CD96: variants seen among roughly 807,000 people sequenced by gnomAD.
CD96 encodes the protein T-cell surface protein tactile.
A neutral mutation model predicts 71.3 loss-of-function variants in CD96; 70 were observed. That is an observed-to-expected ratio of 0.98 (90% CI 0.81 to 1.20). CD96 has a LOEUF of 1.20. Ranked by LOEUF, CD96 falls within the 50% of genes most tolerant of loss-of-function variation. CD96 has a pLI of 0.00. For missense variants in CD96, 742 were observed against 677.5 expected (o/e 1.10, Z -1.06); for synonymous variants, 248 against 233.0 (o/e 1.06, Z -0.59).
At chr3:111,591,659 T>G (rs1464685694) in intron 5 of CD96, among the ~76,000 whole-genome samples, 3 of 152,198 alleles carry the variant, frequency 2.0e-5, no homozygotes, top group Non-Finnish European at 4.4e-5. Context: ...CGTCGTCACT[T>G]GCACTGGTGA....
chr3:111,606,828 CA>C, intron 8 of CD96, 36 bp downstream of exon 8: 1 of 1,158,858 alleles, frequency 8.6e-7, no homozygotes, highest in Middle Eastern at 1.9e-4. Context: ...TTGATTTAAC[CA>C]AGCAGATTGA....
intron 2 of CD96, among the ~76,000 whole-genome samples, chr3:111,553,326 T>TTA (rs1934816522): frequency 6.6e-6 from 1 of 151,998 alleles, no homozygotes; most frequent in Non-Finnish European, 1.5e-5. Flanking sequence ...GATTTTGCTC[T>TTA]TATAGTCCCA....
At chr3:111,649,043 G>A (rs1362208714) in intron 13 of CD96, among the ~76,000 whole-genome samples, 1 of 152,190 alleles carries the variant, frequency 6.6e-6, no homozygotes, top group Non-Finnish European at 1.5e-5. Context: ...GGATTGAGAA[G>A]AGCTTTACTT....
intron 2 of CD96, among the ~76,000 whole-genome samples, chr3:111,552,139 A>G (rs961504340): frequency 1.3e-5 from 2 of 151,468 alleles, no homozygotes; most frequent in Non-Finnish European, 2.9e-5. Flanking sequence ...CTTTTTAATG[A>G]GTTTGTTTTT....
At position 111,628,870 on chromosome 3, in the gene CD96, T is replaced by TA. The variant is rs1262646560; in HGVS notation, c.1321+4472dup. Among the ~76,000 whole-genome samples, 8 of 152,182 alleles carry TA rather than the reference T, an allele frequency of 5.3e-5. No homozygotes were observed. The South Asian group carries it at 1.7e-3, about 32-fold the overall frequency. On this transcript the variant is annotated intron_variant, in intron 10 of 13. Transcript: ENST00000352690. ...ATTGGGAGCCTACATTCAACATACA[T>TA]AAAAAAGAATTTTCAACCCAGAATT...
chr3:111,544,477 T>C (rs185246387), intron 1 of CD96, among the ~76,000 whole-genome samples: 2 of 152,258 alleles, frequency 1.3e-5, no homozygotes, highest in Non-Finnish European at 2.9e-5. Context: ...GTTTCATCTC[T>C]CTGTGGCCCA....
At chr3:111,600,521 C>T (rs1328999754) in intron 6 of CD96, among the ~76,000 whole-genome samples, 3 of 152,206 alleles carry the variant, frequency 2.0e-5, no homozygotes, top group Admixed American at 1.3e-4. Flanking sequence ...TATACCCTGA[C>T]CATGGATCAA....
At chr3:111,665,013 G>A (rs975328957) in intron 14 of CD96, among the ~76,000 whole-genome samples, 3 of 152,318 alleles carry the variant, frequency 2.0e-5, no homozygotes, top group Non-Finnish European at 1.5e-5. Context: ...CTCAAAGGGT[G>A]TGTGTTCATG....
intron 8 of CD96, among the ~76,000 whole-genome samples, chr3:111,618,863 G>T (rs181195544): frequency 1.3e-5 from 2 of 151,980 alleles, no homozygotes; most frequent in East Asian, 1.9e-4. Context: ...GAGCCACTGC[G>T]CCCGGCCTCG....
At chr3:111,547,373 G>A (rs1342074495) in intron 2 of CD96, among the ~76,000 whole-genome samples, 1 of 152,148 alleles carries the variant, frequency 6.6e-6, no homozygotes, top group Non-Finnish European at 1.5e-5. Context: ...CATTTGCCAT[G>A]TAATGTTAGT....
chr3:111,626,306 CAAAAAAAAAAA>C (rs71131971), intron 10 of CD96, among the ~76,000 whole-genome samples: 2 of 74,708 alleles, frequency 2.7e-5, no homozygotes, highest in African/African-American at 5.7e-5. Flanking sequence ...GACTCCGTCT[CAAAAAAAAAAA>C]AAAAAAAAAA....
At chr3:111,664,283 G>A (rs972999017) in intron 14 of CD96, among the ~76,000 whole-genome samples, 3 of 151,706 alleles carry the variant, frequency 2.0e-5, no homozygotes, top group African/African-American at 7.3e-5. Context: ...TTGTGGACTG[G>A]AAAAAAAATG....
chr3:111,562,246 T>G (rs1211717101), intron 2 of CD96, among the ~76,000 whole-genome samples: 1 of 152,198 alleles, frequency 6.6e-6, no homozygotes, highest in African/African-American at 2.4e-5. Context: ...AATAACAACT[T>G]CTTTGAAGTC....
intron 8 of CD96, among the ~76,000 whole-genome samples, chr3:111,610,195 C>T (rs1937845481): frequency 6.6e-6 from 1 of 152,174 alleles, no homozygotes; most frequent in African/African-American, 2.4e-5. Flanking sequence ...TCATGTTAAA[C>T]CAGTGGCAGA....
At chr3:111,628,889 C>A (rs1356064881) in intron 10 of CD96, among the ~76,000 whole-genome samples, 2 of 152,108 alleles carry the variant, frequency 1.3e-5, no homozygotes, top group Non-Finnish European at 2.9e-5. Flanking sequence ...ATTTTCAACC[C>A]AGAATTTCAT....
Position 111,579,239 on chromosome 3 carries a change from G to A in CD96, c.751+5G>A. On this transcript the variant is annotated splice_donor_5th_base_variant and intron_variant, in intron 4 of 13. Coordinates refer to ENST00000352690, the MANE Select transcript of CD96 (RefSeq NM_005816.5). ...CCACCACAGTCAAGGTTTTTGGTAA[G>A]GGCTTTTGTTCTACAGACTCACTGG... 1.3e-6 allele frequency: 2 copies of A among 1,525,772 alleles called. No homozygotes were observed. Among genetic ancestry groups the A allele is most frequent in the Non-Finnish European group, 1.8e-6 (2 of 1,099,180 alleles). 94.5% of individuals were successfully genotyped at this position (1,525,772 alleles called of 1,614,324 possible).
At chr3:111,551,419 C>T (rs6764373) in intron 2 of CD96, among the ~76,000 whole-genome samples, 3,380 of 152,188 alleles carry the variant, frequency 0.022, 137 homozygotes, top group African/African-American at 0.077. Context: ...CAAAGAAAAA[C>T]GGAGTGTGAT....
chr3:111,545,387 C>T lies in CD96; in HGVS notation c.403C>T (p.Leu135Phe), dbSNP rs868271650. The change falls in exon 2 of 14, where the codon CTC (leucine) becomes TTC (phenylalanine). Residue 135 changes from leucine to phenylalanine, a missense_variant. By Grantham distance (22) the Leu-to-Phe change is conservative. Coordinates refer to ENST00000352690, the MANE Select transcript of CD96 (RefSeq NM_005816.5). ...EGIQTKIYNLLIQTHVTADEW... is the reference protein window; with the variant it reads ...EGIQTKIYNLFIQTHVTADEW... ...CATTCAGACTAAAATCTACAACCTT[C>T]TCATTCAGACACACGGTAAGCATAA... 4 of 1,591,988 alleles carry T rather than the reference C, an allele frequency of 2.5e-6. No individual in the cohort carries two copies. The highest frequency in any genetic ancestry group is 1.3e-5 in the African/African-American group (1 of 74,628).
intron 11 of CD96, among the ~76,000 whole-genome samples, chr3:111,637,706 C>T (rs930739942): frequency 1.3e-5 from 2 of 152,098 alleles, no homozygotes; most frequent in Non-Finnish European, 2.9e-5. Flanking sequence ...TATCCACGAC[C>T]CCCAACTCTG....
Sources: allele counts gnomAD v4.1 joint callset (sites outside exome capture counted in the v4.1 genomes callset), GRCh38; gene constraint gnomAD v4.1.1; transcripts MANE v1.5; gene names NCBI Gene and HGNC (gene_info 2026-07-23, HGNC 2026-07-21).